Variants in GRHL2 observed in about 807,000 individuals in gnomAD.
The protein encoded by GRHL2 is grainyhead like transcription factor 2.
A neutral mutation model predicts 83.8 loss-of-function variants in GRHL2; 21 were observed. The ratio of observed to expected loss-of-function variants is 0.25; its 90% confidence interval spans 0.18 to 0.36. The LOEUF (loss-of-function observed/expected upper bound fraction) is 0.36, where lower values mean the gene tolerates loss of function less well. Among genes scored for constraint, GRHL2 ranks in the 10% least tolerant of loss-of-function variants. GRHL2 has a pLI of 1.00. For synonymous variants in GRHL2, 280 were observed against 278.9 expected (o/e 1.00, Z -0.04); for missense variants, 623 against 781.8 (o/e 0.80, Z 2.42).
chr8:101,530,279 G>A (rs1045040378), intron 1 of GRHL2, among the ~76,000 whole-genome samples: 1 of 152,038 alleles, frequency 6.6e-6, no homozygotes, highest in Non-Finnish European at 1.5e-5. Context: ...TTTCCATATT[G>A]GCTGTAAACA....
the GRHL2 span, among the ~76,000 whole-genome samples, chr8:101,678,901 C>T: frequency 6.5e-5 from 9 of 137,710 alleles, no homozygotes; most frequent in Non-Finnish European, 1.2e-4. Flanking sequence ...ACAGAAAGGA[C>T]ATCCACACCA....
chr8:101,493,774 G>C (rs1810028051), intron 1 of GRHL2, among the ~76,000 whole-genome samples: 1 of 152,040 alleles, frequency 6.6e-6, no homozygotes, highest in South Asian at 2.1e-4. Flanking sequence ...TCCCGTCCCG[G>C]ACAGGCACTC....
At chr8:101,656,300 G>T (rs771315079) in intron 14 of GRHL2, among the ~76,000 whole-genome samples, 3 of 152,144 alleles carry the variant, frequency 2.0e-5, no homozygotes, top group Non-Finnish European at 4.4e-5. Context: ...TGAGTGCTGT[G>T]GGTGGTGTGA....
rs3029438 is a variant in GRHL2 at position 101,636,724 on chromosome 8, TACACAC to T, written c.1486-136_1486-131del. 0.016 allele frequency: 7,634 copies of T among 483,198 alleles called. 260 individuals are homozygous for T. The highest frequency in any genetic ancestry group is 0.12 in the African/African-American group (6,047 of 49,460). The allele number at this position is 483,198 out of a possible 1,614,324, so 29.9% of individuals were successfully genotyped here. The stretch of plus-strand genomic sequence containing the variant: ...ACTTAAATATGCATTTCCTTAGAAA[TACACAC>T]ACACACACACACACACACACACACA... On this transcript the variant is annotated intron_variant, in intron 11 of 15. Transcript: ENST00000646743.
intron 9 of GRHL2, among the ~76,000 whole-genome samples, chr8:101,630,100 A>G (rs1445526455): frequency 2.6e-5 from 4 of 152,182 alleles, no homozygotes; most frequent in Non-Finnish European, 4.4e-5. Context: ...TTTCAATTCT[A>G]TTATGTAAAG....
chr8:101,626,299 CT>C (rs1442650907), intron 9 of GRHL2, among the ~76,000 whole-genome samples: 3 of 152,002 alleles, frequency 2.0e-5, no homozygotes, highest in Non-Finnish European at 4.4e-5. Flanking sequence ...AATCTCACAC[CT>C]GTGAGACTGC....
intron 1 of GRHL2, among the ~76,000 whole-genome samples, chr8:101,538,734 C>T (rs1169865336): frequency 6.6e-6 from 1 of 152,186 alleles, no homozygotes; most frequent in Non-Finnish European, 1.5e-5. Flanking sequence ...TACAAGTCTA[C>T]ATTTTTGCTC....
chr8:101,532,755 CAA>C (rs1187121429), intron 1 of GRHL2, among the ~76,000 whole-genome samples: 16 of 90,408 alleles, frequency 1.8e-4, no homozygotes, highest in Non-Finnish European at 2.3e-4. Flanking sequence ...CTCCATCTCA[CAA>C]AAAAAAAAAA....
At chr8:101,606,405 T>C (rs1812635597) in intron 8 of GRHL2, among the ~76,000 whole-genome samples, 1 of 152,206 alleles carries the variant, frequency 6.6e-6, no homozygotes, top group Non-Finnish European at 1.5e-5. Flanking sequence ...TCCTGTTGGA[T>C]TTTGCTTTAA....
At chr8:101,660,382 A>G (rs1813895649) in intron 14 of GRHL2, among the ~76,000 whole-genome samples, 1 of 152,168 alleles carries the variant, frequency 6.6e-6, no homozygotes, top group Non-Finnish European at 1.5e-5. Flanking sequence ...TTTGATTGGT[A>G]TGGTCACCCA....
intron 7 of GRHL2, among the ~76,000 whole-genome samples, chr8:101,580,654 C>G (rs1341706314): frequency 6.6e-6 from 1 of 152,100 alleles, no homozygotes; most frequent in Non-Finnish European, 1.5e-5. Context: ...GGGATAGAAA[C>G]CCAAGAATGC....
At chr8:101,657,951 A>C (rs1563630601) in intron 14 of GRHL2, among the ~76,000 whole-genome samples, 1 of 152,156 alleles carries the variant, frequency 6.6e-6, no homozygotes, top group Non-Finnish European at 1.5e-5. Flanking sequence ...TCATAGAAGG[A>C]AGGATTGTTG....
intron 8 of GRHL2, among the ~76,000 whole-genome samples, chr8:101,602,328 A>G (rs987432063): frequency 2.0e-5 from 3 of 152,240 alleles, no homozygotes; most frequent in African/African-American, 4.8e-5. Flanking sequence ...TGTGATGTTC[A>G]TGTTGTGGAC....
intron 1 of GRHL2, among the ~76,000 whole-genome samples, chr8:101,539,249 T>C (rs1391739393): frequency 2.0e-5 from 3 of 152,206 alleles, no homozygotes; most frequent in Admixed American, 6.5e-5. Context: ...CACAGCAATG[T>C]GTGCGTCTCT....
At chr8:101,535,521 G>T (rs1269022197) in intron 1 of GRHL2, among the ~76,000 whole-genome samples, 1 of 152,002 alleles carries the variant, frequency 6.6e-6, no homozygotes, top group Non-Finnish European at 1.5e-5. Context: ...CTCAGTGACA[G>T]TTTTCCTTTT....
At chr8:101,519,240 C>T (rs918312644) in intron 1 of GRHL2, among the ~76,000 whole-genome samples, 4 of 150,680 alleles carry the variant, frequency 2.7e-5, no homozygotes, top group African/African-American at 7.3e-5. Flanking sequence ...CCAGGCTGAT[C>T]TTGAACTCCT....
chr8:101,604,019 CAA>C (rs541635465), intron 8 of GRHL2, among the ~76,000 whole-genome samples: 45 of 91,736 alleles, frequency 4.9e-4, no homozygotes, highest in African/African-American at 1.2e-3. Flanking sequence ...TTTTTTTTTG[CAA>C]AAAAAAAAAA....
At position 101,559,351 on chromosome 8, in the gene GRHL2, T is replaced by TGCAAAAAAAAAAAAAAAAAAAA. The variant is rs1285229771; in HGVS notation, c.678+539_678+540insGCAAAAAAAAAAAAAAAAAAAA. 5.7e-4 allele frequency among the ~76,000 whole-genome samples: 11 copies of TGCAAAAAAAAAAAAAAAAAAAA among 19,220 alleles called. 1 individual carries two copies. Among genetic ancestry groups the TGCAAAAAAAAAAAAAAAAAAAA allele is most frequent in the East Asian group, 1.6e-3 (1 of 618 alleles). 12.6% of individuals were successfully genotyped at this position (19,220 alleles called of 152,430 possible). Reference sequence around the variant, plus strand: ...GGTGAACTCCTGTCTCTACTAAAAATACAAAAAAAAAAAAAAAAAAAAAAA... The same window carrying TGCAAAAAAAAAAAAAAAAAAAA: ...GGTGAACTCCTGTCTCTACTAAAAATGCAAAAAAAAAAAAAAAAAAAAACAAAAAAAAAAAAAAAAAAAAAAA... On this transcript the variant is annotated intron_variant, in intron 4 of 15. Transcript: ENST00000646743.
intron 7 of GRHL2, among the ~76,000 whole-genome samples, chr8:101,583,213 G>A (rs1812092514): frequency 6.6e-6 from 1 of 152,210 alleles, no homozygotes; most frequent in African/African-American, 2.4e-5. Context: ...CTGTATTTCA[G>A]GGAGGTAATT....
Sources: allele counts gnomAD v4.1 joint callset (sites outside exome capture counted in the v4.1 genomes callset), GRCh38; gene constraint gnomAD v4.1.1; transcripts MANE v1.5; gene names NCBI Gene and HGNC (gene_info 2026-07-23, HGNC 2026-07-21).